The following TRAPPC9 variants were observed in gnomAD, a reference collection of about 807,000 sequenced individuals.
TRAPPC9 encodes the protein IKK2 binding protein.
Under a neutral mutation model 124.0 loss-of-function variants are expected in TRAPPC9, and 83 were observed. The observed-to-expected ratio is 0.67, with a 90% CI of 0.56 to 0.80. The LOEUF is 0.80. TRAPPC9 is among the 30% of genes least tolerant of loss of function. The pLI is 0.00. For missense variants in TRAPPC9, 1,302 were observed against 1,508.3 expected (o/e 0.86, Z 2.27); for synonymous variants, 638 against 617.5 (o/e 1.03, Z -0.49).
At chr8:139,764,961 C>T (rs1310569457) in intron 21 of TRAPPC9, among the ~76,000 whole-genome samples, 1 of 152,210 alleles carries the variant, frequency 6.6e-6, no homozygotes, top group Non-Finnish European at 1.5e-5. Flanking sequence ...GCCTTCTCTC[C>T]TACCATCGTC....
At chr8:140,212,800 G>T (rs1282485511) in intron 17 of TRAPPC9, among the ~76,000 whole-genome samples, 3 of 151,674 alleles carry the variant, frequency 2.0e-5, no homozygotes, top group Non-Finnish European at 4.4e-5. Context: ...GTTTTTTTTG[G>T]CTGGGCATGG....
chr8:139,888,650 CA>C (rs1830158955), intron 20 of TRAPPC9, among the ~76,000 whole-genome samples: 1 of 152,210 alleles, frequency 6.6e-6, no homozygotes, highest in South Asian at 2.1e-4. Flanking sequence ...GTGTTTCCTG[CA>C]AAGATAATTC....
chr8:140,375,616 G>A (rs2068414643), intron 7 of TRAPPC9, among the ~76,000 whole-genome samples: 1 of 152,208 alleles, frequency 6.6e-6, no homozygotes. Flanking sequence ...AATTACGATT[G>A]TCAAAAAGAC....
At chr8:139,865,132 C>A (rs1828438376) in intron 21 of TRAPPC9, among the ~76,000 whole-genome samples, 1 of 152,210 alleles carries the variant, frequency 6.6e-6, no homozygotes, top group African/African-American at 2.4e-5. Context: ...AAGAAGCCAT[C>A]ATCACAACTA....
chr8:140,080,219 T>G (rs1314862498), intron 17 of TRAPPC9, among the ~76,000 whole-genome samples: 1 of 152,196 alleles, frequency 6.6e-6, no homozygotes, highest in African/African-American at 2.4e-5. Flanking sequence ...TAGTTCTCCC[T>G]GTAACTTAAC....
intron 17 of TRAPPC9, among the ~76,000 whole-genome samples, chr8:140,189,716 T>C (rs1462586330): frequency 1.3e-5 from 2 of 152,086 alleles, no homozygotes; most frequent in African/African-American, 4.8e-5. Context: ...CAAGGATCAT[T>C]CATTACTTTG....
intron 16 of TRAPPC9, among the ~76,000 whole-genome samples, chr8:140,229,865 G>C (rs1563864842): frequency 6.6e-6 from 1 of 152,124 alleles, no homozygotes; most frequent in African/African-American, 2.4e-5. Context: ...GCCTCCATAT[G>C]TTTTCAATGT....
chr8:140,334,662 TA>T (rs2066988867), intron 9 of TRAPPC9, among the ~76,000 whole-genome samples: 1 of 150,442 alleles, frequency 6.6e-6, no homozygotes, highest in South Asian at 2.1e-4. Context: ...AATAAATAAA[TA>T]AATAAATAAA....
chr8:139,828,082 T>C (rs934100392), intron 21 of TRAPPC9, among the ~76,000 whole-genome samples: 1 of 151,342 alleles, frequency 6.6e-6, no homozygotes, highest in Non-Finnish European at 1.5e-5. Flanking sequence ...GGAATTCCAT[T>C]TTAGCATGAG....
At chr8:139,995,883 A>G (rs1343948917) in intron 18 of TRAPPC9, among the ~76,000 whole-genome samples, 1 of 148,694 alleles carries the variant, frequency 6.7e-6, no homozygotes, top group East Asian at 2.0e-4. Context: ...AAAAAAAAAA[A>G]GTACCAACAT....
At chr8:139,784,992 T>C (rs1487237186) in intron 21 of TRAPPC9, among the ~76,000 whole-genome samples, 1 of 152,068 alleles carries the variant, frequency 6.6e-6, no homozygotes, top group African/African-American at 2.4e-5. Context: ...ACAAAAGACC[T>C]AGAATGGCCA....
rs985626592 is a variant in TRAPPC9 at position 139,729,473 on chromosome 8, T to A, written c.*1588A>T. ...TCCACCCCCTACTGCAGCCAGACCTTCTGGGGCTGCCTTCCCTGGGGAGCC... is the reference window on the plus strand; with the variant it reads ...TCCACCCCCTACTGCAGCCAGACCTACTGGGGCTGCCTTCCCTGGGGAGCC... On this transcript the variant is annotated 3_prime_UTR_variant, in exon 23 of 23. Coordinates refer to ENST00000438773, the MANE Select transcript of TRAPPC9 (RefSeq NM_001160372.4). Among the ~76,000 whole-genome samples the A allele has an allele frequency of 5.3e-5, 8 of 152,188 alleles. No individual in the cohort carries two copies. Among genetic ancestry groups the A allele is most frequent in the Non-Finnish European group, 1.0e-4 (7 of 68,014 alleles).
At chr8:140,017,841 G>A (rs1244377603) in intron 18 of TRAPPC9, among the ~76,000 whole-genome samples, 1 of 152,072 alleles carries the variant, frequency 6.6e-6, no homozygotes, top group African/African-American at 2.4e-5. Context: ...CAATCACTAA[G>A]CATGGTATAC....
At chr8:140,314,853 T>C (rs1340064029) in intron 9 of TRAPPC9, among the ~76,000 whole-genome samples, 1 of 152,254 alleles carries the variant, frequency 6.6e-6, no homozygotes, top group Non-Finnish European at 1.5e-5. Context: ...TGAATGGCAC[T>C]TAGGTTGATT....
intron 21 of TRAPPC9, among the ~76,000 whole-genome samples, chr8:139,876,859 T>C (rs981200130): frequency 6.6e-6 from 1 of 152,206 alleles, no homozygotes; most frequent in Non-Finnish European, 1.5e-5. Context: ...CTGTCCGCTA[T>C]ACTCTCCTAG....
intron 21 of TRAPPC9, among the ~76,000 whole-genome samples, chr8:139,863,814 G>T (rs1312381794): frequency 1.3e-5 from 2 of 152,238 alleles, no homozygotes; most frequent in Non-Finnish European, 2.9e-5. Flanking sequence ...GCTAAAAATA[G>T]ATCTGCCACT....
At chr8:139,992,398 C>T (rs908042448) in intron 18 of TRAPPC9, among the ~76,000 whole-genome samples, 2 of 152,078 alleles carry the variant, frequency 1.3e-5, no homozygotes, top group East Asian at 1.9e-4. Flanking sequence ...ATCCAAAACT[C>T]GGAGATGCAA....
In TRAPPC9 at chr8:140,044,390, G is replaced by A. The variant is rs563110996; in HGVS notation, c.2557-20311C>T. On this transcript the variant is annotated intron_variant, in intron 17 of 22. Transcript: ENST00000438773. ...GTTCCCCTACAACCACTCATGGGCC[G>A]GTAAAGAAACCGTGGCTTGGATGTG... 2.4e-4 allele frequency among the ~76,000 whole-genome samples: 37 copies of A among 152,270 alleles called. No individual in the cohort carries two copies. In the South Asian group the frequency reaches 2.5e-3, roughly 10 times the overall value.
Position 139,754,188 on chromosome 8 carries a change from A to G in TRAPPC9, c.3056-21986T>C, listed in dbSNP as rs546650456. Among the ~76,000 whole-genome samples, 5 of 152,256 alleles carry G rather than the reference A, an allele frequency of 3.3e-5. No homozygotes were observed. The East Asian group carries it at 9.7e-4, about 29-fold the overall frequency. ...TCCATGCTCTGCTCCTGACCTCCCA[A>G]GGAGCCTGGCCCTCTCCAGACCCTG... On this transcript the variant is annotated intron_variant, in intron 21 of 22. Coordinates refer to ENST00000438773, the MANE Select transcript of TRAPPC9 (RefSeq NM_001160372.4).
Sources: allele counts gnomAD v4.1 joint callset (sites outside exome capture counted in the v4.1 genomes callset), GRCh38; gene constraint gnomAD v4.1.1; transcripts MANE v1.5; gene names NCBI Gene and HGNC (gene_info 2026-07-23, HGNC 2026-07-21).